The following PRKG1 variants were observed in gnomAD, a reference collection of about 807,000 sequenced individuals.
PRKG1 encodes cGMP-dependent protein kinase 1.
A neutral mutation model predicts 88.1 loss-of-function variants in PRKG1; 35 were observed. The ratio of observed to expected loss-of-function variants is 0.40; its 90% CI spans 0.30 to 0.53. The LOEUF (loss-of-function observed/expected upper bound fraction) is 0.53, where lower values mean the gene tolerates loss of function less well. Among genes scored for constraint, PRKG1 ranks in the 20% least tolerant of loss-of-function variants. The probability of loss-of-function intolerance (pLI) is 0.59; values close to 1 mark genes in which losing one functional copy is unlikely to be tolerated. For missense variants in PRKG1, 540 were observed against 839.8 expected, an observed-to-expected ratio of 0.64 and a Z score of 4.41; for synonymous variants, 303 against 292.5, an observed-to-expected ratio of 1.04 and a Z score of -0.37.
intron 2 of PRKG1, among the ~76,000 whole-genome samples, chr10:51,272,101 A>G (rs1456133721): frequency 6.6e-6 from 1 of 152,082 alleles, no homozygotes; most frequent in Non-Finnish European, 1.5e-5. Context: ...CTTTTTAATG[A>G]TCTCCATTCT....
chr10:51,496,153 C>T (rs925415413), intron 3 of PRKG1, among the ~76,000 whole-genome samples: 1 of 152,114 alleles, frequency 6.6e-6, no homozygotes, highest in Non-Finnish European at 1.5e-5. Context: ...AAGTGATGTT[C>T]TGCTCTTAGG....
At chr10:51,125,733 T>C (rs534731511) in intron 1 of PRKG1, among the ~76,000 whole-genome samples, 1 of 146,442 alleles carries the variant, frequency 6.8e-6, no homozygotes, top group Non-Finnish European at 1.5e-5. Flanking sequence ...ATATAAATTA[T>C]GTGTTTTTAA....
At chr10:52,252,707 G>A (rs1179425309) in intron 10 of PRKG1, 1 of 151,990 alleles carries the variant, frequency 6.6e-6, no homozygotes, top group African/African-American at 2.4e-5. Context: ...TAGATGAGAA[G>A]GTTTTAGAGC....
intron 3 of PRKG1, among the ~76,000 whole-genome samples, chr10:51,533,452 C>T (rs1391176775): frequency 6.6e-6 from 1 of 152,114 alleles, no homozygotes. Flanking sequence ...CATTGATTGT[C>T]TTCAGTGATG....
At chr10:51,985,246 C>T (rs1031721884) in intron 5 of PRKG1, among the ~76,000 whole-genome samples, 3 of 152,036 alleles carry the variant, frequency 2.0e-5, no homozygotes, top group African/African-American at 4.8e-5. Context: ...AGCAAAAGTG[C>T]TTATGGATTA....
intron 2 of PRKG1, among the ~76,000 whole-genome samples, chr10:51,466,240 C>T (rs533108370): frequency 2.5e-4 from 38 of 152,056 alleles, no homozygotes; most frequent in Non-Finnish European, 4.0e-4. Context: ...ATGAATTTAC[C>T]GGACTGATTT....
chr10:51,464,163 C>T (rs139332814), intron 2 of PRKG1, among the ~76,000 whole-genome samples: 29 of 152,170 alleles, frequency 1.9e-4, no homozygotes, highest in African/African-American at 6.7e-4. Flanking sequence ...GCCTGTAATC[C>T]CAGCTACTTG....
intron 11 of PRKG1, among the ~76,000 whole-genome samples, chr10:52,272,076 C>A (rs1172884208): frequency 1.3e-5 from 2 of 151,984 alleles, no homozygotes; most frequent in East Asian, 1.9e-4. Context: ...TGTTGATGAC[C>A]ACTAAATGTT....
chr10:52,251,268 C>G (rs1038934885), intron 9 of PRKG1, among the ~76,000 whole-genome samples: 1 of 152,074 alleles, frequency 6.6e-6, no homozygotes, highest in Non-Finnish European at 1.5e-5. Flanking sequence ...CACAAGAAGA[C>G]GCGTAGAAAA....
intron 3 of PRKG1, among the ~76,000 whole-genome samples, chr10:51,748,898 A>C (rs1287231976): frequency 6.6e-6 from 1 of 152,236 alleles, no homozygotes; most frequent in Non-Finnish European, 1.5e-5. Context: ...GTAAGTTTAT[A>C]GTTCACTATT....
chr10:51,988,836 T>C (rs1589489801), intron 5 of PRKG1, among the ~76,000 whole-genome samples: 2 of 152,194 alleles, frequency 1.3e-5, no homozygotes, highest in East Asian at 3.9e-4. Context: ...ATATAGTCTT[T>C]GCTTTCTATA....
At chr10:51,259,076 C>T (rs984978500) in intron 2 of PRKG1, among the ~76,000 whole-genome samples, 10 of 152,102 alleles carry the variant, frequency 6.6e-5, no homozygotes, top group Non-Finnish European at 1.3e-4. Context: ...GTATGTTTGG[C>T]TTATTTCTTA....
At position 52,054,578 on chromosome 10, in the gene PRKG1, CAAG is replaced by C; in HGVS notation, c.840+19_840+21del. ...AAAGGAACGGTAAGCTTTGGTGGCACAAGACAGTGATGCACTAGGGGAGCCTGG... is the reference window on the plus strand; with the variant it reads ...AAAGGAACGGTAAGCTTTGGTGGCACACAGTGATGCACTAGGGGAGCCTGG... On this transcript the variant is annotated intron_variant, in intron 6 of 17. Coordinates refer to ENST00000373980, the MANE Select transcript of PRKG1 (RefSeq NM_006258.4). The C allele has an allele frequency of 1.2e-6, 2 of 1,610,744 alleles. No homozygotes were observed. Among genetic ancestry groups the C allele is most frequent in the Non-Finnish European group, 1.7e-6 (2 of 1,177,146 alleles).
chr10:52,289,832 A>G (rs1842200965), intron 16 of PRKG1, among the ~76,000 whole-genome samples: 1 of 152,168 alleles, frequency 6.6e-6, no homozygotes, highest in African/African-American at 2.4e-5. Flanking sequence ...AGTGGCAAAA[A>G]TGGAAAGTTA....
intron 4 of PRKG1, among the ~76,000 whole-genome samples, chr10:51,817,345 C>CT (rs11455378): frequency 0.29 from 34,381 of 116,730 alleles, 6,924 homozygotes; most frequent in African/African-American, 0.56. Context: ...TATCCCTCCC[C>CT]AACCCCCCCC....
chr10:52,133,698 A>G (rs1315020210), intron 7 of PRKG1, 142 bp from the exon 8 acceptor site: 1 of 624,960 alleles, frequency 1.6e-6, no homozygotes, highest in African/African-American at 1.9e-5. Flanking sequence ...AAAAATTTTG[A>G]AACATAAACA....
At chr10:51,598,247 T>C (rs1174892496) in intron 3 of PRKG1, among the ~76,000 whole-genome samples, 1 of 152,070 alleles carries the variant, frequency 6.6e-6, no homozygotes, top group Admixed American at 6.6e-5. Context: ...TCTTCATTCT[T>C]TTAACTTTTT....
chr10:51,978,853 G>A (rs903229757), intron 5 of PRKG1, among the ~76,000 whole-genome samples: 2 of 152,082 alleles, frequency 1.3e-5, no homozygotes, highest in South Asian at 4.2e-4. Context: ...AGATCAAGGA[G>A]ATTTGGGCTG....
At chr10:51,224,647 C>G (rs1411740929) in intron 2 of PRKG1, among the ~76,000 whole-genome samples, 1 of 152,086 alleles carries the variant, frequency 6.6e-6, no homozygotes, top group Non-Finnish European at 1.5e-5. Flanking sequence ...CATAAGAACA[C>G]ATTTACTTTC....
Sources: allele counts gnomAD v4.1 joint callset (sites outside exome capture counted in the v4.1 genomes callset), GRCh38; gene constraint gnomAD v4.1.1; transcripts MANE v1.5; gene names NCBI Gene and HGNC (gene_info 2026-07-23, HGNC 2026-07-21).